PCCA: variants seen among roughly 807,000 people sequenced by gnomAD.
PCCA encodes propionyl-CoA carboxylase subunit alpha.
A neutral mutation model predicts 101.3 loss-of-function variants in PCCA; 74 were observed. The observed-to-expected ratio is 0.73, with a 90% CI of 0.61 to 0.89. The LOEUF is 0.89. PCCA is among the 40% of genes least tolerant of loss of function. The probability of loss-of-function intolerance (pLI) is 0.00; values close to 1 mark genes in which losing one functional copy is unlikely to be tolerated. For missense variants in PCCA, 891 were observed against 907.0 expected (o/e 0.98, Z 0.23); for synonymous variants, 294 against 313.6 (o/e 0.94, Z 0.66).
At chr13:100,193,906 C>A (rs189396163) in intron 6 of PCCA, among the ~76,000 whole-genome samples, 6 of 151,886 alleles carry the variant, frequency 4.0e-5, no homozygotes, top group African/African-American at 1.5e-4. Context: ...GGTGAAACCC[C>A]GTCTCTACAA....
At chr13:100,230,788 A>T (rs1000655723) in intron 7 of PCCA, among the ~76,000 whole-genome samples, 2 of 152,218 alleles carry the variant, frequency 1.3e-5, no homozygotes, top group African/African-American at 4.8e-5. Flanking sequence ...AACTTGAACC[A>T]GCTGGACAAG....
chr13:100,509,826 T>TTTTTTTTTTG (rs142898031), intron 21 of PCCA, among the ~76,000 whole-genome samples: 1 of 149,454 alleles, frequency 6.7e-6, no homozygotes, highest in East Asian at 2.0e-4. Flanking sequence ...TTTTGTGTTT[T>TTTTTTTTTTG]TTTTGTTTTG....
intron 21 of PCCA, among the ~76,000 whole-genome samples, chr13:100,458,419 G>C (rs1251367254): frequency 8.8e-6 from 1 of 113,396 alleles, no homozygotes; most frequent in Non-Finnish European, 1.8e-5. Context: ...CCCCATCTCT[G>C]CGCGCACACA....
chr13:100,506,802 C>CTT (rs1283851628), intron 21 of PCCA, among the ~76,000 whole-genome samples: 13 of 152,102 alleles, frequency 8.5e-5, no homozygotes, highest in African/African-American at 3.1e-4. Flanking sequence ...GGGTTGGGCA[C>CTT]CGTCGTGAAA....
intron 18 of PCCA, among the ~76,000 whole-genome samples, chr13:100,348,742 TTC>T (rs1460428137): frequency 8.4e-4 from 35 of 41,714 alleles, no homozygotes; most frequent in Non-Finnish European, 2.6e-4. Flanking sequence ...CTTTCTTTCT[TTC>T]TTTCTTTCTT....
At chr13:100,350,199 G>A (rs567831213) in intron 18 of PCCA, among the ~76,000 whole-genome samples, 1 of 152,222 alleles carries the variant, frequency 6.6e-6, no homozygotes, top group African/African-American at 2.4e-5. Flanking sequence ...TTACTAAGAT[G>A]TCTTCTGAAT....
At chr13:100,482,691 C>T (rs533379016) in intron 21 of PCCA, among the ~76,000 whole-genome samples, 7 of 152,336 alleles carry the variant, frequency 4.6e-5, no homozygotes, top group Non-Finnish European at 8.8e-5. Flanking sequence ...TGGGTTCAAG[C>T]GATTCTCCTG....
chr13:100,362,304 T>A (rs1017849041), intron 18 of PCCA, among the ~76,000 whole-genome samples: 6 of 151,992 alleles, frequency 3.9e-5, no homozygotes, highest in African/African-American at 4.8e-5. Context: ...TAAAAAAAAA[T>A]AACAGTTGCT....
At chr13:100,417,678 A>G (rs1397618868) in intron 19 of PCCA, among the ~76,000 whole-genome samples, 3 of 151,596 alleles carry the variant, frequency 2.0e-5, no homozygotes, top group Non-Finnish European at 4.4e-5. Flanking sequence ...TATGTCCTCT[A>G]CCCTTCTCTG....
chr13:100,355,238 C>T (rs2073851583), intron 18 of PCCA, among the ~76,000 whole-genome samples: 1 of 151,894 alleles, frequency 6.6e-6, no homozygotes, highest in African/African-American at 2.4e-5. Flanking sequence ...AAAAAAAAAT[C>T]TGACAAAATC....
chr13:100,508,291 T>G (rs2086232976), intron 21 of PCCA, among the ~76,000 whole-genome samples: 1 of 152,180 alleles, frequency 6.6e-6, no homozygotes, highest in African/African-American at 2.4e-5. Context: ...ATATTCTTAT[T>G]CTTCTGTTTT....
At chr13:100,118,192 C>T (rs925877931) in intron 4 of PCCA, among the ~76,000 whole-genome samples, 1 of 151,696 alleles carries the variant, frequency 6.6e-6, no homozygotes, top group Non-Finnish European at 1.5e-5. Flanking sequence ...CTATTCATCT[C>T]GCAGTAATAA....
chr13:100,172,611 G>C (rs763210762), intron 6 of PCCA, among the ~76,000 whole-genome samples: 28 of 152,184 alleles, frequency 1.8e-4, no homozygotes, highest in Non-Finnish European at 2.8e-4. Context: ...TGGAGTAGTA[G>C]AGAAAGACAA....
intron 10 of PCCA, among the ~76,000 whole-genome samples, chr13:100,268,292 C>A (rs9513743): frequency 6.6e-6 from 1 of 151,996 alleles, no homozygotes; most frequent in Non-Finnish European, 1.5e-5. Context: ...TCCCAATCAA[C>A]AGACATTTAA....
intron 8 of PCCA, among the ~76,000 whole-genome samples, chr13:100,242,534 ACT>A (rs1404571767): frequency 6.6e-6 from 1 of 152,196 alleles, no homozygotes; most frequent in Non-Finnish European, 1.5e-5. Flanking sequence ...AGCACTATAT[ACT>A]AATTAGACCT....
intron 4 of PCCA, among the ~76,000 whole-genome samples, chr13:100,112,521 G>C (rs2048406697): frequency 6.7e-6 from 1 of 150,360 alleles, no homozygotes; most frequent in Non-Finnish European, 1.5e-5. Flanking sequence ...ACAAACAAAA[G>C]AAGGTTTAGC....
intron 8 of PCCA, among the ~76,000 whole-genome samples, chr13:100,242,310 A>C (rs2061188563): frequency 6.6e-6 from 1 of 152,200 alleles, no homozygotes; most frequent in African/African-American, 2.4e-5. Flanking sequence ...AAACTATTCT[A>C]AGAGACAAAG....
chr13:100,204,796 C>G (rs907949591), intron 6 of PCCA, among the ~76,000 whole-genome samples: 1 of 152,076 alleles, frequency 6.6e-6, no homozygotes, highest in East Asian at 1.9e-4. Flanking sequence ...TAATTTCTTT[C>G]TCTTCTTTTG....
intron 21 of PCCA, among the ~76,000 whole-genome samples, chr13:100,493,390 A>G (rs1438174238): frequency 2.6e-5 from 4 of 152,134 alleles, no homozygotes; most frequent in Non-Finnish European, 5.9e-5. Context: ...TGATCAGGGG[A>G]GGCCACTAGA....
Sources: allele counts gnomAD v4.1 joint callset (sites outside exome capture counted in the v4.1 genomes callset), GRCh38; gene constraint gnomAD v4.1.1; transcripts MANE v1.5; gene names NCBI Gene and HGNC (gene_info 2026-07-23, HGNC 2026-07-21).